GTF3C1: variants seen among roughly 807,000 people sequenced by gnomAD.
The protein encoded by GTF3C1 is general transcription factor 3C polypeptide 1.
A neutral mutation model predicts 226.7 loss-of-function variants in GTF3C1; 57 were observed. The observed-to-expected ratio is 0.25, with a 90% CI of 0.20 to 0.31. GTF3C1 has a LOEUF of 0.31. GTF3C1 is among the 10% of genes least tolerant of loss of function. The probability of loss-of-function intolerance (pLI) is 1.00; values close to 1 mark genes in which losing one functional copy is unlikely to be tolerated. For synonymous variants in GTF3C1, 1,090 were observed against 1,084.8 expected (o/e 1.00, Z -0.09); for missense variants, 2,217 against 2,776.1 (o/e 0.80, Z 4.53).
At chr16:27,549,300 T>C (rs114168143) in intron 1 of GTF3C1, among the ~76,000 whole-genome samples, 1 of 152,328 alleles carries the variant, frequency 6.6e-6, no homozygotes, top group African/African-American at 2.4e-5. Flanking sequence ...TGAGGGTCTG[T>C]TGATCTCAGG....
At chr16:27,489,869 G>T (rs1164304012) in intron 19 of GTF3C1, 126 bp from the exon 20 acceptor site, 2 of 842,652 alleles carry the variant, frequency 2.4e-6, no homozygotes, top group East Asian at 5.3e-5. Flanking sequence ...CGGCCACTGC[G>T]GGGGTCTGAG....
chr16:27,482,317 T>C (rs1480630719), intron 26 of GTF3C1, among the ~76,000 whole-genome samples: 1 of 152,140 alleles, frequency 6.6e-6, no homozygotes, highest in Non-Finnish European at 1.5e-5. Context: ...AGACCAGGAC[T>C]GCCTACCCTC....
At chr16:27,530,075 G>C (rs952946377) in intron 5 of GTF3C1, among the ~76,000 whole-genome samples, 2 of 152,190 alleles carry the variant, frequency 1.3e-5, no homozygotes, top group East Asian at 3.8e-4. Context: ...GGAGGCACTC[G>C]TGACTGAGAG....
Position 27,528,676 on chromosome 16 carries a change from T to A in GTF3C1, c.895A>T (p.Asn299Tyr). The change falls in exon 6 of 37, where the codon AAC becomes TAC. Residue 299 changes from asparagine (N) to tyrosine (Y), a missense_variant. Physicochemically the swap from Asn to Tyr is moderately radical, Grantham distance 143. Around this residue, in one of 12 missense-constraint regions of GTF3C1, gnomAD observed 163 missense variants for 234.3 expected, o/e 0.70. Coordinates refer to ENST00000356183, the MANE Select transcript of GTF3C1 (RefSeq NM_001520.4). ...TFKRLYQYML[N>Y]AGLAKVVSLR... The stretch of plus-strand genomic sequence containing the variant: ...GACACCACCTTGGCTAGCCCGGCGT[T>A]CAGCATATACTGGTACAGACGCTTA... 6.2e-7 allele frequency: 1 copy of A among 1,613,188 alleles called. No individual in the cohort carries two copies. Among genetic ancestry groups the A allele is most frequent in the East Asian group, 2.2e-5 (1 of 44,886 alleles).
At chr16:27,545,858 G>A (rs1444626539) in intron 1 of GTF3C1, among the ~76,000 whole-genome samples, 10 of 152,002 alleles carry the variant, frequency 6.6e-5, no homozygotes, top group Admixed American at 1.3e-4. Flanking sequence ...GCTTTCCTCC[G>A]CTTTTTTGAG....
At position 27,470,724 on chromosome 16, in the gene GTF3C1, G is replaced by A. The variant is rs2087854881; in HGVS notation, c.4527-329C>T. The A allele has an allele frequency of 3.1e-6, 1 of 317,588 alleles. No individual in the cohort carries two copies. The highest frequency in any genetic ancestry group is 7.1e-5 in the East Asian group (1 of 14,032). 19.7% of individuals were successfully genotyped at this position (317,588 alleles called of 1,614,324 possible). On this transcript the variant is annotated intron_variant, in intron 30 of 36. Coordinates refer to ENST00000356183, the MANE Select transcript of GTF3C1 (RefSeq NM_001520.4). The surrounding 1 kb of genome is among the most constrained non-coding windows in gnomAD (Gnocchi z 4.9). ...GTACACAGCTGCTGAACTAGGGATGGTGAACACGCTTTCTGTAATAATAGT... is the reference window on the plus strand; with the variant it reads ...GTACACAGCTGCTGAACTAGGGATGATGAACACGCTTTCTGTAATAATAGT...
At chr16:27,505,373 A>G (rs544047862) in intron 10 of GTF3C1, among the ~76,000 whole-genome samples, 5 of 152,378 alleles carry the variant, frequency 3.3e-5, no homozygotes, top group African/African-American at 9.6e-5. Context: ...CATTTGGGCC[A>G]GGAAATTCTC....
At chr16:27,490,063 A>T (rs554181437) in intron 19 of GTF3C1, among the ~76,000 whole-genome samples, 1 of 152,268 alleles carries the variant, frequency 6.6e-6, no homozygotes, top group East Asian at 1.9e-4. Flanking sequence ...GCGCAGGGGA[A>T]ACCCAGGCCT....
rs74016088 is a variant in GTF3C1, at chr16:27,523,697, G to A, written c.973+4901C>T. On this transcript the variant is annotated intron_variant, in intron 6 of 36. Coordinates refer to ENST00000356183, the MANE Select transcript of GTF3C1 (RefSeq NM_001520.4). ...AAAAAGGACATAAAGCATGTAAAGC[G>A]TGTGGTCACCACCCTGAAGGAAGTC... is the stretch of plus-strand genomic sequence containing the variant. Among the ~76,000 whole-genome samples the A allele has an allele frequency of 2.5e-3, 382 of 152,226 alleles. 2 individuals carry two copies. The highest frequency in any genetic ancestry group is 8.7e-3 in the African/African-American group (362 of 41,538).
intron 6 of GTF3C1, among the ~76,000 whole-genome samples, chr16:27,527,683 T>C (rs1483484480): frequency 2.6e-5 from 4 of 151,706 alleles, no homozygotes; most frequent in Non-Finnish European, 4.4e-5. Context: ...CAATACAGAG[T>C]AGGCACTTCA....
At position 27,507,873 on chromosome 16, in the gene GTF3C1, TAAG is replaced by T. The variant is rs1003194790; in HGVS notation, c.1242+664_1242+666del. On this transcript the variant is annotated intron_variant, in intron 8 of 36. Coordinates refer to ENST00000356183, the MANE Select transcript of GTF3C1 (RefSeq NM_001520.4). This position sits in a 1 kb window ranked among gnomAD's most constrained non-coding sequence, Gnocchi z 4.9. ...CCAGGTGCCAGGCAAGTAACATGCA[TAAG>T]AAGGAGGGCCAAGTGGGGATGGTGG... Among the ~76,000 whole-genome samples the T allele has an allele frequency of 2.0e-5, 3 of 152,200 alleles. No individual in the cohort carries two copies. The highest frequency in any genetic ancestry group is 6.5e-5 in the Admixed American group (1 of 15,282).
Position 27,507,294 on chromosome 16 carries a change from A to G in GTF3C1, c.1243-138T>C. On this transcript the variant is annotated intron_variant, in intron 8 of 36. Transcript: ENST00000356183. The surrounding 1 kb of genome is among the most constrained non-coding windows in gnomAD (Gnocchi z 4.9). ...TTACTGCCTGGGCCCTGGGTTGGGC[A>G]CCACTGATGCTCCCTCCAGGCTCTT... 1.6e-6 allele frequency: 1 copy of G among 639,652 alleles called. No homozygotes were observed. Among genetic ancestry groups the G allele is most frequent in the Non-Finnish European group, 2.7e-6 (1 of 370,124 alleles). 39.6% of individuals were successfully genotyped at this position (639,652 alleles called of 1,614,324 possible).
Position 27,538,240 on chromosome 16 carries a change from C to T in GTF3C1, c.548G>A (p.Arg183Gln), listed in dbSNP as rs1308715424. 4 of 1,612,314 alleles carry T rather than the reference C, an allele frequency of 2.5e-6. No homozygotes were observed. Among genetic ancestry groups the T allele is most frequent in the South Asian group, 2.2e-5 (2 of 91,030 alleles). The change falls in exon 3 of 37, where the codon CGG becomes CAG. Residue 183 changes from arginine (R) to glutamine (Q), a missense_variant. Arg to Gln is a conservative substitution (Grantham distance 43, BLOSUM62 1). Coordinates refer to ENST00000356183, the MANE Select transcript of GTF3C1 (RefSeq NM_001520.4). ...CCCTTGCCACCTGGACCGGCCTAGC[C>T]GTTCCAGGATGCAGTAGGAGAAGTC... is the stretch of plus-strand genomic sequence containing the variant. ...LPDFSYCILE[R>Q]LGRSRWQGEL...
chr16:27,518,387 T>C (rs572733893), intron 6 of GTF3C1, among the ~76,000 whole-genome samples: 21 of 152,372 alleles, frequency 1.4e-4, no homozygotes, highest in Middle Eastern at 3.4e-3. Context: ...CTTGGCTATG[T>C]AATATGGCCT....
At chr16:27,538,420 G>A in intron 2 of GTF3C1, 64 bp from the exon 3 acceptor site, 2 of 1,027,526 alleles carry the variant, frequency 1.9e-6, no homozygotes, top group Non-Finnish European at 2.8e-6. Flanking sequence ...ACTGAGATAA[G>A]AAAAAGAAAT....
intron 6 of GTF3C1, 24 bp from the exon 7 acceptor site, chr16:27,511,925 C>T (rs2088578832): frequency 1.2e-6 from 2 of 1,612,548 alleles, no homozygotes; most frequent in East Asian, 4.5e-5. Flanking sequence ...CACGGGTTTG[C>T]CAGCAATGAG....
At position 27,492,284 on chromosome 16, in the gene GTF3C1, G is replaced by C; in HGVS notation, c.3151+54C>G. 1 of 1,045,776 alleles carries C rather than the reference G, an allele frequency of 9.6e-7. No individual in the cohort carries two copies. Among genetic ancestry groups the C allele is most frequent in the South Asian group, 1.4e-5 (1 of 69,376 alleles). 64.8% of individuals were successfully genotyped at this position (1,045,776 alleles called of 1,614,324 possible). A position where few individuals can be genotyped will look rare whatever the true frequency, so the allele number is the denominator to read the frequency against. ...CTTTTCTAGCCCTAAATCCCAGTTAGCACACAGAAAGGAGCAAAAGCAGCC... is the reference window on the plus strand; with the variant it reads ...CTTTTCTAGCCCTAAATCCCAGTTACCACACAGAAAGGAGCAAAAGCAGCC... On this transcript the variant is annotated intron_variant, in intron 19 of 36. Transcript: ENST00000356183. This position sits in a 1 kb window ranked among gnomAD's most constrained non-coding sequence, Gnocchi z 5.0.
intron 34 of GTF3C1, 96 bp downstream of exon 34, chr16:27,464,223 TC>T: frequency 1.5e-6 from 1 of 683,996 alleles, no homozygotes. Context: ...CAGTGGCAGG[TC>T]CCCCATCCTC....
rs115164062 is a variant in GTF3C1 at position 27,482,408 on chromosome 16, G to A, written c.4083+636C>T. 873 of 447,850 alleles carry A rather than the reference G, an allele frequency of 1.9e-3. 8 individuals are homozygous for A. The highest frequency in any genetic ancestry group is 0.017 in the African/African-American group (826 of 49,982). 27.7% of individuals were successfully genotyped at this position (447,850 alleles called of 1,614,324 possible). The stretch of plus-strand genomic sequence containing the variant: ...TCTGTCACTTCCATCCAAAAGCATT[G>A]CTGAGCCTCCTCCCTGACCTCTGTG... On this transcript the variant is annotated intron_variant, in intron 26 of 36. Coordinates refer to ENST00000356183, the MANE Select transcript of GTF3C1 (RefSeq NM_001520.4).
Sources: gnomAD v4.1 joint callset for allele counts (sites outside exome capture counted in the v4.1 genomes callset) on GRCh38, gnomAD v4.1.1 for gene constraint, gnomAD v4.1.1 regional missense constraint, Gnocchi (gnomAD v3.1) non-coding constraint, MANE v1.5 for transcripts, NCBI Gene and HGNC (gene_info 2026-07-23, HGNC 2026-07-21) for gene names.